PCDH7: variants seen among roughly 807,000 people sequenced by gnomAD.
PCDH7 encodes protocadherin-7.
A neutral mutation model predicts 58.9 loss-of-function variants in PCDH7; 17 were observed. The observed-to-expected ratio is 0.29, with a 90% CI of 0.20 to 0.43. PCDH7 has a LOEUF of 0.43. Among genes scored for constraint, PCDH7 ranks in the 20% least tolerant of loss-of-function variants. PCDH7 has a pLI of 1.00. For missense variants in PCDH7, 1,274 were observed against 1,441.0 expected, an observed-to-expected ratio of 0.88 and a Z score of 1.88; for synonymous variants, 664 against 616.4, an observed-to-expected ratio of 1.08 and a Z score of -1.14.
chr4:30,944,177 GCT>G (rs1420964912), intron 2 of PCDH7, among the ~76,000 whole-genome samples: 3 of 152,146 alleles, frequency 2.0e-5, no homozygotes, highest in African/African-American at 7.2e-5. Context: ...GAGGCTACAT[GCT>G]CTGTGTCAGT....
intron 1 of PCDH7, among the ~76,000 whole-genome samples, chr4:30,753,199 T>C (rs943269958): frequency 6.6e-6 from 1 of 152,210 alleles, no homozygotes; most frequent in Non-Finnish European, 1.5e-5. Flanking sequence ...AGAGTATTTC[T>C]CTTAACTTCT....
At chr4:30,939,991 G>A (rs954294064) in intron 2 of PCDH7, among the ~76,000 whole-genome samples, 4 of 151,818 alleles carry the variant, frequency 2.6e-5, no homozygotes, top group Non-Finnish European at 5.9e-5. Flanking sequence ...AGTTTAACTG[G>A]ATTCACATTA....
At chr4:30,911,154 G>A (rs1741695230) in intron 1 of PCDH7, among the ~76,000 whole-genome samples, 1 of 152,046 alleles carries the variant, frequency 6.6e-6, no homozygotes, top group South Asian at 2.1e-4. Context: ...ACCAGGGCCT[G>A]TTGGAGGTTG....
chr4:30,930,284 G>A (rs557896399), intron 2 of PCDH7, among the ~76,000 whole-genome samples: 3 of 152,288 alleles, frequency 2.0e-5, no homozygotes, highest in South Asian at 2.1e-4. Flanking sequence ...ATACCTACCC[G>A]AGAGGGTGAG....
At chr4:30,954,767 A>G (rs576553865) in intron 3 of PCDH7, among the ~76,000 whole-genome samples, 32 of 152,310 alleles carry the variant, frequency 2.1e-4, no homozygotes, top group African/African-American at 7.7e-4. Flanking sequence ...GTGAATTCCA[A>G]CTTTCTACAG....
intron 1 of PCDH7, among the ~76,000 whole-genome samples, chr4:30,802,822 G>A (rs58451458): frequency 0.012 from 1,828 of 152,140 alleles, 45 homozygotes; most frequent in African/African-American, 0.042. Flanking sequence ...CAGCTCTGAA[G>A]GTTCAGCTGA....
At chr4:30,881,933 C>G (rs1737023078) in intron 1 of PCDH7, among the ~76,000 whole-genome samples, 1 of 152,178 alleles carries the variant, frequency 6.6e-6, no homozygotes, top group South Asian at 2.1e-4. Flanking sequence ...TATAAAGTAA[C>G]AGATAACAAC....
intron 1 of PCDH7, among the ~76,000 whole-genome samples, chr4:30,876,959 T>C (rs1042615173): frequency 6.6e-6 from 1 of 152,036 alleles, no homozygotes; most frequent in African/African-American, 2.4e-5. Flanking sequence ...CCTGTGTCCA[T>C]GTGTTCTCAT....
At chr4:30,838,838 G>A (rs1730852379) in intron 1 of PCDH7, among the ~76,000 whole-genome samples, 1 of 152,046 alleles carries the variant, frequency 6.6e-6, no homozygotes, top group African/African-American at 2.4e-5. Context: ...CCTCAGATCA[G>A]GGGCCAACGT....
intron 2 of PCDH7, among the ~76,000 whole-genome samples, chr4:30,935,705 T>C (rs1745257021): frequency 6.6e-6 from 1 of 152,120 alleles, no homozygotes; most frequent in African/African-American, 2.4e-5. Context: ...TTCAGAGCAG[T>C]GAGCAAAACC....
chr4:31,026,895 A>G (rs1754480516), intron 3 of PCDH7, among the ~76,000 whole-genome samples: 1 of 152,222 alleles, frequency 6.6e-6, no homozygotes, highest in South Asian at 2.1e-4. Context: ...CAGTTGATCT[A>G]TAATTTGGTT....
intron 1 of PCDH7, among the ~76,000 whole-genome samples, chr4:30,808,373 T>G (rs1414085137): frequency 6.6e-6 from 1 of 152,184 alleles, no homozygotes; most frequent in Non-Finnish European, 1.5e-5. Context: ...ATAAAACTTT[T>G]TCAGGGCATT....
At chr4:30,854,700 A>G (rs1733233377) in intron 1 of PCDH7, among the ~76,000 whole-genome samples, 2 of 152,026 alleles carry the variant, frequency 1.3e-5, no homozygotes, top group South Asian at 4.1e-4. Context: ...TACCAGAGCC[A>G]TGCATATTTT....
intron 1 of PCDH7, among the ~76,000 whole-genome samples, chr4:30,778,583 A>G (rs921916167): frequency 5.3e-5 from 8 of 152,180 alleles, no homozygotes; most frequent in Admixed American, 1.3e-4. Flanking sequence ...CATCACACAG[A>G]AACTTTACTA....
chr4:31,020,486 A>T (rs1025377562), intron 3 of PCDH7, among the ~76,000 whole-genome samples: 1 of 152,208 alleles, frequency 6.6e-6, no homozygotes, highest in Non-Finnish European at 1.5e-5. Flanking sequence ...GTGTAGGCGA[A>T]TCAAGTTCTA....
At chr4:31,101,142 A>G (rs1714843133) in intron 3 of PCDH7, among the ~76,000 whole-genome samples, 1 of 152,082 alleles carries the variant, frequency 6.6e-6, no homozygotes, top group Non-Finnish European at 1.5e-5. Flanking sequence ...AAAAATCCAG[A>G]TAGAAATGAA....
chr4:30,996,260 T>C (rs1405929097), intron 3 of PCDH7, among the ~76,000 whole-genome samples: 1 of 152,306 alleles, frequency 6.6e-6, no homozygotes, highest in East Asian at 1.9e-4. Flanking sequence ...ACATGCTGAA[T>C]GAACAAATGA....
At chr4:31,046,495 C>G (rs1307282639) in intron 3 of PCDH7, among the ~76,000 whole-genome samples, 1 of 151,920 alleles carries the variant, frequency 6.6e-6, no homozygotes, top group African/African-American at 2.4e-5. Flanking sequence ...CTCAAATAAT[C>G]AGGGTTACAG....
Position 30,723,065 on chromosome 4 carries a change from A to G in PCDH7, c.1643A>G (p.Asn548Ser). ...GTGGAGGTTTACTTCCCTGAGAACA[A>G]CATCCCGGGCGAGAGGGTGGCCACG... The change falls in exon 1 of 2, where the codon AAC (asparagine) becomes AGC (serine). Residue 548 changes from asparagine to serine, a missense_variant. By Grantham distance (46) the Asn-to-Ser change is conservative. This residue lies in a region of PCDH7 where 731 missense variants were observed against 881.9 expected (regional missense o/e 0.83). Coordinates refer to ENST00000361762, the Ensembl canonical transcript of PCDH7. This position sits in a 1 kb window ranked among gnomAD's most constrained non-coding sequence, Gnocchi z 4.6. 6.2e-7 allele frequency: 1 copy of G among 1,613,860 alleles called. No homozygotes were observed. Among genetic ancestry groups the G allele is most frequent in the Non-Finnish European group, 8.5e-7 (1 of 1,180,030 alleles).
Sources: allele counts gnomAD v4.1 joint callset (sites outside exome capture counted in the v4.1 genomes callset), GRCh38; gene constraint gnomAD v4.1.1; regional missense constraint gnomAD v4.1.1; non-coding constraint Gnocchi (gnomAD v3.1); transcripts MANE v1.5; gene names NCBI Gene and HGNC (gene_info 2026-07-23, HGNC 2026-07-21).